The following SLMAP variants were observed in gnomAD, a reference collection of about 807,000 sequenced individuals.
The protein encoded by SLMAP is sarcolemma associated protein, also known as sarcolemmal membrane-associated protein.
Under a neutral mutation model 128.8 loss-of-function variants are expected in SLMAP, and 44 were observed. The ratio of observed to expected loss-of-function variants is 0.34; its 90% CI spans 0.27 to 0.44. The LOEUF (loss-of-function observed/expected upper bound fraction) is 0.44, where lower values mean the gene tolerates loss of function less well. SLMAP is among the 20% of genes least tolerant of loss of function. SLMAP has a pLI of 1.00. For synonymous variants in SLMAP, 327 were observed against 348.8 expected, an observed-to-expected ratio of 0.94 and a Z score of 0.70; for missense variants, 787 against 985.3, an observed-to-expected ratio of 0.80 and a Z score of 2.69.
Position 57,790,543 on chromosome 3 carries a change from A to G in SLMAP, c.198+32694A>G, listed in dbSNP as rs142564170. Among the ~76,000 whole-genome samples, 636 of 151,960 alleles carry G rather than the reference A, an allele frequency of 4.2e-3. 6 individuals are homozygous for G. The highest frequency in any genetic ancestry group is 0.015 in the African/African-American group (616 of 41,502). On this transcript the variant is annotated intron_variant, in intron 2 of 24. Transcript: ENST00000671191. ...GAATTATCAAATTCTACCTAATTTT[A>G]TGTTATTTTAGTCACTTATTTTCTA...
At position 57,925,739 on chromosome 3, in the gene SLMAP, A is replaced by G. The variant is rs2096995809; in HGVS notation, c.2446-106A>G. The G allele has an allele frequency of 1.9e-5, 14 of 739,642 alleles. No individual in the cohort carries two copies. The Admixed American group carries it at 2.7e-4, about 14-fold the overall frequency. The allele number at this position is 739,642 out of a possible 1,614,324, so 45.8% of individuals were successfully genotyped here. On this transcript the variant is annotated intron_variant, in intron 23 of 24. Coordinates refer to ENST00000671191, the MANE Select transcript of SLMAP (RefSeq NM_001377540.1). ...TGTAAAACCTGAGTGGTATACTTCT[A>G]TTATTTCATTCTTTCTTCCTACCTC...
rs369134391 is a variant in SLMAP at position 57,757,431 on chromosome 3, C to A, written c.-221C>A. Reference sequence around the variant, plus strand: ...CTGCCAGTTGGGGACTTTTTGTGATCACGGCGTTGCAGCGTTTTAAAGGAG... The same window carrying A: ...CTGCCAGTTGGGGACTTTTTGTGATAACGGCGTTGCAGCGTTTTAAAGGAG... On this transcript the variant is annotated 5_prime_UTR_variant, in exon 2 of 25. Transcript: ENST00000671191. 1,234 of 581,622 alleles carry A rather than the reference C, an allele frequency of 2.1e-3. 27 individuals carry two copies. In the South Asian group the frequency reaches 0.024, roughly 11 times the overall value. 36.0% of individuals were successfully genotyped at this position (581,622 alleles called of 1,614,324 possible).
chr3:57,768,820 A>C (rs1576175298), intron 2 of SLMAP, among the ~76,000 whole-genome samples: 2 of 152,270 alleles, frequency 1.3e-5, no homozygotes, highest in African/African-American at 4.8e-5. Flanking sequence ...TTAAAAAAAA[A>C]GACTGAGGTC....
intron 17 of SLMAP, chr3:57,897,704 A>G: frequency 6.6e-6 from 1 of 152,020 alleles, no homozygotes; most frequent in Middle Eastern, 3.2e-3. Flanking sequence ...AAAAAAAAAA[A>G]TGAAAAAAAG....
At chr3:57,906,331 T>TTTTTTTTTTTTTTTTTTTTTTTG (rs1384252190) in intron 17 of SLMAP, among the ~76,000 whole-genome samples, 2 of 138,206 alleles carry the variant, frequency 1.4e-5, no homozygotes, top group Non-Finnish European at 3.1e-5. Context: ...TTTTTTTTTT[T>TTTTTTTTTTTTTTTTTTTTTTTG]TAGAGACACA....
In SLMAP at chr3:57,757,635, C is replaced by A. The variant is rs1379820329; in HGVS notation, c.-17C>A. 6.2e-7 allele frequency: 1 copy of A among 1,612,242 alleles called. No homozygotes were observed. The highest frequency in any genetic ancestry group is 1.1e-5 in the South Asian group (1 of 91,020). On this transcript the variant is annotated 5_prime_UTR_variant, in exon 2 of 25. Coordinates refer to ENST00000671191, the MANE Select transcript of SLMAP (RefSeq NM_001377540.1). ...CTCTTTGTCCCTGGTAGGAGAGACA[C>A]CCCCAGTCTATCCTCGATGCCGTCA...
At chr3:57,826,521 A>G (rs2092936675) in intron 2 of SLMAP, among the ~76,000 whole-genome samples, 2 of 152,304 alleles carry the variant, frequency 1.3e-5, no homozygotes, top group Non-Finnish European at 2.9e-5. Context: ...GTTTAAAAAT[A>G]TGGTGGCTTC....
chr3:57,925,511 A>T (rs953990056), intron 23 of SLMAP, among the ~76,000 whole-genome samples: 1 of 151,702 alleles, frequency 6.6e-6, no homozygotes, highest in African/African-American at 2.4e-5. Context: ...TATTTTTAGT[A>T]GAGACAGCAT....
intron 14 of SLMAP, 168 bp from the exon 15 acceptor site, chr3:57,889,873 A>G: frequency 1.9e-6 from 1 of 517,372 alleles, no homozygotes; most frequent in Non-Finnish European, 3.5e-6. Context: ...GCTCCGTCAT[A>G]GTTCCAGTTC....
At chr3:57,921,408 C>T (rs1424913141) in intron 22 of SLMAP, among the ~76,000 whole-genome samples, 2 of 152,106 alleles carry the variant, frequency 1.3e-5, no homozygotes, top group African/African-American at 4.8e-5. Context: ...AGGTGGATCA[C>T]CCTAGGCCAG....
intron 22 of SLMAP, among the ~76,000 whole-genome samples, chr3:57,919,431 GAT>G (rs2096873669): frequency 2.0e-5 from 3 of 151,058 alleles, no homozygotes; most frequent in African/African-American, 7.3e-5. Context: ...AGAAAATAAT[GAT>G]ATATCATCTT....
At chr3:57,812,493 G>A (rs2091164880) in intron 2 of SLMAP, among the ~76,000 whole-genome samples, 1 of 152,132 alleles carries the variant, frequency 6.6e-6, no homozygotes, top group South Asian at 2.1e-4. Context: ...TAGCTTTGTA[G>A]TAGGAATCAG....
chr3:57,779,494 G>C (rs78568209), intron 2 of SLMAP, among the ~76,000 whole-genome samples: 22,687 of 143,890 alleles, frequency 0.16, 2,333 homozygotes, highest in East Asian at 0.43. Context: ...GGGCAACAGA[G>C]TGAGACCCTG....
intron 2 of SLMAP, among the ~76,000 whole-genome samples, chr3:57,811,009 A>G (rs938464082): frequency 6.6e-6 from 1 of 152,174 alleles, no homozygotes; most frequent in African/African-American, 2.4e-5. Context: ...TTATATCTCA[A>G]GCTGAGACTT....
Position 57,845,408 on chromosome 3 carries a change from T to G in SLMAP, c.420-1789T>G, listed in dbSNP as rs2094193527. On this transcript the variant is annotated intron_variant, in intron 4 of 24. Coordinates refer to ENST00000671191, the MANE Select transcript of SLMAP (RefSeq NM_001377540.1). ...TTCAGCATTTTAGTGTATTTGTGAC[T>G]AGTTGAATTAGACCAGTTCTTACAG... is the stretch of plus-strand genomic sequence containing the variant. Among the ~76,000 whole-genome samples, 4 of 152,238 alleles carry G rather than the reference T, an allele frequency of 2.6e-5. No individual in the cohort carries two copies. The South Asian group carries it at 8.3e-4, about 32-fold the overall frequency.
chr3:57,766,164 A>ATT (rs2079658771), intron 2 of SLMAP, among the ~76,000 whole-genome samples: 1 of 76,732 alleles, frequency 1.3e-5, no homozygotes, highest in African/African-American at 6.1e-5. Flanking sequence ...ACACCCGGCT[A>ATT]ATTTTTTTTT....
chr3:57,920,424 C>A (rs1398382705), intron 22 of SLMAP, among the ~76,000 whole-genome samples: 1 of 152,154 alleles, frequency 6.6e-6, no homozygotes, highest in Non-Finnish European at 1.5e-5. Flanking sequence ...ACCCTAAGCC[C>A]CATCTCTCCT....
At position 57,850,698 on chromosome 3, in the gene SLMAP, A is replaced by G. The variant is rs192161377; in HGVS notation, c.519+882A>G. Reference sequence around the variant, plus strand: ...GCCCAAGCTGGAGTGCAGTGGTACAATCTCAGCTCACTACAACCTCTGCCT... The same window carrying G: ...GCCCAAGCTGGAGTGCAGTGGTACAGTCTCAGCTCACTACAACCTCTGCCT... On this transcript the variant is annotated intron_variant, in intron 6 of 24. Transcript: ENST00000671191. 9.9e-5 allele frequency among the ~76,000 whole-genome samples: 15 copies of G among 152,278 alleles called. No homozygotes were observed. In the East Asian group the frequency reaches 1.7e-3, roughly 18 times the overall value.
intron 17 of SLMAP, chr3:57,897,680 C>T (rs948824660): frequency 1.4e-5 from 2 of 146,750 alleles, no homozygotes; most frequent in African/African-American, 2.5e-5. Flanking sequence ...GCAATAAGAG[C>T]AAAACTCCAT....
Sources: allele counts gnomAD v4.1 joint callset (sites outside exome capture counted in the v4.1 genomes callset), GRCh38; gene constraint gnomAD v4.1.1; transcripts MANE v1.5; gene names NCBI Gene and HGNC (gene_info 2026-07-23, HGNC 2026-07-21).